The following NCK1 variants were observed in gnomAD, a reference collection of about 807,000 sequenced individuals.
NCK1 encodes SH2/SH3 adapter protein NCK1.
Under a neutral mutation model 36.6 loss-of-function variants are expected in NCK1, and 19 were observed. The ratio of observed to expected loss-of-function variants is 0.52; its 90% CI spans 0.36 to 0.76. The LOEUF (loss-of-function observed/expected upper bound fraction) is 0.76. NCK1 is among the 30% of genes least tolerant of loss of function. The pLI, the probability that NCK1 is intolerant of heterozygous loss-of-function variation, is 0.00. For missense variants in NCK1, 358 were observed against 445.6 expected (o/e 0.80, Z 1.77); for synonymous variants, 165 against 156.0 (o/e 1.06, Z -0.43).
chr3:136,865,952 T>C (rs1360911213), intron 1 of NCK1, among the ~76,000 whole-genome samples: 2 of 152,224 alleles, frequency 1.3e-5, no homozygotes, highest in Non-Finnish European at 2.9e-5. Context: ...GGCTGATTTT[T>C]GCCAGCCATT....
chr3:136,907,079 G>C (rs922494629), intron 1 of NCK1, among the ~76,000 whole-genome samples: 1 of 152,176 alleles, frequency 6.6e-6, no homozygotes, highest in East Asian at 1.9e-4. Context: ...TGGGGTTGCT[G>C]TCAGTGGGAG....
chr3:136,892,875 C>A (rs1313046397), intron 1 of NCK1, among the ~76,000 whole-genome samples: 1 of 152,002 alleles, frequency 6.6e-6, no homozygotes, highest in Non-Finnish European at 1.5e-5. Flanking sequence ...TGAGTAAGTT[C>A]TTTAGTGGTG....
Position 136,951,587 on chromosome 3 carries a change from T to G in NCK1, c.*3134T>G, listed in dbSNP as rs574865263. Among the ~76,000 whole-genome samples the G allele has an allele frequency of 2.6e-5, 4 of 152,308 alleles. No individual in the cohort carries two copies. The highest frequency in any genetic ancestry group is 6.5e-5 in the Admixed American group (1 of 15,286). On this transcript the variant is annotated 3_prime_UTR_variant, in exon 4 of 4. Transcript: ENST00000481752. The stretch of plus-strand genomic sequence containing the variant: ...AAAATTCAAACAGTATAATAAAGTC[T>G]TCTTTCAAGTCAAAATATAGAGACG...
chr3:136,877,539 G>C (rs1938808423), intron 1 of NCK1, among the ~76,000 whole-genome samples: 1 of 152,146 alleles, frequency 6.6e-6, no homozygotes, highest in Admixed American at 6.6e-5. Context: ...AAAAATAATT[G>C]AAAGGACTTC....
chr3:136,911,080 T>C (rs1939818711), intron 1 of NCK1, among the ~76,000 whole-genome samples: 1 of 152,198 alleles, frequency 6.6e-6, no homozygotes, highest in South Asian at 2.1e-4. Flanking sequence ...TTGTTGCAAA[T>C]GAAAGAATTT....
At chr3:136,870,888 T>C (rs1411811296) in intron 1 of NCK1, among the ~76,000 whole-genome samples, 1 of 152,176 alleles carries the variant, frequency 6.6e-6, no homozygotes, top group Non-Finnish European at 1.5e-5. Context: ...TGGCTACTAG[T>C]ATCAGACAGA....
intron 2 of NCK1, among the ~76,000 whole-genome samples, chr3:136,938,000 C>CT (rs1468903534): frequency 1.4e-4 from 21 of 152,086 alleles, no homozygotes; most frequent in African/African-American, 5.1e-4. Context: ...CGGTGGAAAA[C>CT]TTTGTCTTTC....
chr3:136,898,909 C>T (rs985849757), intron 1 of NCK1, among the ~76,000 whole-genome samples: 2 of 152,186 alleles, frequency 1.3e-5, no homozygotes, highest in African/African-American at 4.8e-5. Context: ...AAGAGCTTTA[C>T]AGAGAACATA....
At chr3:136,928,795 C>A (rs190511053) in intron 2 of NCK1, 5,683 of 148,960 alleles carry the variant, frequency 0.038, 231 homozygotes, top group South Asian at 0.064. Context: ...GTGGAGCCCA[C>A]TTCACACTGG....
intron 1 of NCK1, among the ~76,000 whole-genome samples, chr3:136,891,656 A>G (rs1434438091): frequency 6.6e-6 from 1 of 152,196 alleles, no homozygotes; most frequent in Non-Finnish European, 1.5e-5. Context: ...TCCCACCAGC[A>G]GTGCACAAGG....
chr3:136,862,510 C>T (rs1171384848), intron 1 of NCK1, among the ~76,000 whole-genome samples, 157 bp downstream of exon 1: 3 of 151,144 alleles, frequency 2.0e-5, no homozygotes, highest in Non-Finnish European at 4.4e-5. Context: ...GGAGGGGGCG[C>T]GGAGGCTGCT....
At chr3:136,885,812 G>A (rs1290671335) in intron 1 of NCK1, among the ~76,000 whole-genome samples, 2 of 152,210 alleles carry the variant, frequency 1.3e-5, no homozygotes, top group African/African-American at 4.8e-5. Context: ...TGTAGAGGGA[G>A]AAAAGGTTCT....
At chr3:136,878,115 A>G (rs1938825711) in intron 1 of NCK1, among the ~76,000 whole-genome samples, 1 of 152,330 alleles carries the variant, frequency 6.6e-6, no homozygotes, top group East Asian at 1.9e-4. Context: ...AACCTTTAAA[A>G]CATGCTAAGT....
chr3:136,890,905 C>G (rs1939226393), intron 1 of NCK1, among the ~76,000 whole-genome samples: 3 of 152,208 alleles, frequency 2.0e-5, no homozygotes, highest in Non-Finnish European at 2.9e-5. Flanking sequence ...TCCCCCCAAC[C>G]TCTGGCAATC....
Position 136,862,263 on chromosome 3 carries a change from C to A in NCK1, c.-109C>A, listed in dbSNP as rs1938238985. Reference sequence around the variant, plus strand: ...CTACGCGGCGGCGGCGGAGCGCAGGCCTCGTGCCGTTACGGCCATCACGGC... The same window carrying A: ...CTACGCGGCGGCGGCGGAGCGCAGGACTCGTGCCGTTACGGCCATCACGGC... On this transcript the variant is annotated 5_prime_UTR_variant, in exon 1 of 4. Coordinates refer to ENST00000481752, the MANE Select transcript of NCK1 (RefSeq NM_001291999.2). The A allele has an allele frequency of 6.5e-6, 1 of 152,778 alleles. No homozygotes were observed. The highest frequency in any genetic ancestry group is 2.4e-5 in the African/African-American group (1 of 41,580). The allele number at this position is 152,778 out of a possible 1,614,324, so 9.5% of individuals were successfully genotyped here. A position where few individuals can be genotyped will look rare whatever the true frequency, so the allele number is the denominator to read the frequency against.
intron 1 of NCK1, among the ~76,000 whole-genome samples, chr3:136,869,629 T>C (rs746376811): frequency 2.0e-5 from 3 of 152,242 alleles, no homozygotes; most frequent in African/African-American, 4.8e-5. Flanking sequence ...ATGTTTATTT[T>C]TCCTCTTAAC....
chr3:136,931,049 A>T (rs1331587905), intron 2 of NCK1, among the ~76,000 whole-genome samples: 1 of 152,096 alleles, frequency 6.6e-6, no homozygotes, highest in Non-Finnish European at 1.5e-5. Context: ...ATCTTTAATA[A>T]AAACACTAGT....
chr3:136,870,081 T>C (rs1473290411), intron 1 of NCK1, among the ~76,000 whole-genome samples: 1 of 140,564 alleles, frequency 7.1e-6, no homozygotes, highest in Non-Finnish European at 1.5e-5. Flanking sequence ...GCGCAGTGGC[T>C]CATGCCTGTA....
intron 3 of NCK1, among the ~76,000 whole-genome samples, chr3:136,947,310 G>A (rs900552454): frequency 5.9e-5 from 9 of 152,000 alleles, no homozygotes; most frequent in Non-Finnish European, 1.3e-4. Flanking sequence ...GGCTTTGGGG[G>A]TTGATATAGA....
Sources: gnomAD v4.1 joint callset for allele counts (sites outside exome capture counted in the v4.1 genomes callset) on GRCh38, gnomAD v4.1.1 for gene constraint, MANE v1.5 for transcripts, NCBI Gene and HGNC (gene_info 2026-07-23, HGNC 2026-07-21) for gene names.